GRIK3: variants seen among roughly 807,000 people sequenced by gnomAD.
GRIK3 encodes glutamate receptor ionotropic, kainate 3.
In GRIK3, 29 loss-of-function variants were observed where a neutral mutation model predicts 102.5. The ratio of observed to expected loss-of-function variants is 0.28; its 90% CI spans 0.21 to 0.39. GRIK3 has a LOEUF of 0.39. GRIK3 is among the 10% of genes least tolerant of loss of function. The pLI is 1.00. For synonymous variants in GRIK3, 511 were observed against 504.9 expected (o/e 1.01, Z -0.16); for missense variants, 908 against 1,252.4 (o/e 0.73, Z 4.15).
Position 36,895,575 on chromosome 1 carries a change from A to C in GRIK3, c.116-4479T>G, listed in dbSNP as rs1641163662. Reference sequence around the variant, plus strand: ...CTGAGCTTGAGGATATCTCAATAGAAACTTCCAAAACTGAAAAGCAAAGAG... The same window carrying C: ...CTGAGCTTGAGGATATCTCAATAGACACTTCCAAAACTGAAAAGCAAAGAG... On this transcript the variant is annotated intron_variant, in intron 1 of 15. Coordinates refer to ENST00000373091, the MANE Select transcript of GRIK3 (RefSeq NM_000831.4). 3.3e-5 allele frequency among the ~76,000 whole-genome samples: 5 copies of C among 152,346 alleles called. No individual in the cohort carries two copies. In the South Asian group the frequency reaches 1.0e-3, roughly 32 times the overall value.
intron 1 of GRIK3, among the ~76,000 whole-genome samples, chr1:36,980,642 G>C (rs1233174630): frequency 5.3e-5 from 8 of 151,916 alleles, no homozygotes; most frequent in Non-Finnish European, 1.0e-4. Context: ...AGTCAGCTCT[G>C]CCCATTCCCA....
chr1:36,852,212 G>C (rs918981681), intron 8 of GRIK3, among the ~76,000 whole-genome samples: 2 of 152,182 alleles, frequency 1.3e-5, no homozygotes, highest in Non-Finnish European at 2.9e-5. Flanking sequence ...GAGTAATAGG[G>C]AGGCTTCCCC....
At chr1:37,005,555 G>A (rs1470283688) in intron 1 of GRIK3, among the ~76,000 whole-genome samples, 3 of 152,202 alleles carry the variant, frequency 2.0e-5, no homozygotes, top group Non-Finnish European at 2.9e-5. Flanking sequence ...GCCAGGGGCT[G>A]GGCCAGCCAG....
At chr1:37,010,013 CAG>C (rs999829266) in intron 1 of GRIK3, among the ~76,000 whole-genome samples, 16 of 152,258 alleles carry the variant, frequency 1.1e-4, no homozygotes, top group Middle Eastern at 6.8e-3. Context: ...GAGGGGGGAG[CAG>C]AGTCTTCAGA....
At chr1:36,857,956 C>G (rs1265383723) in intron 7 of GRIK3, among the ~76,000 whole-genome samples, 1 of 152,202 alleles carries the variant, frequency 6.6e-6, no homozygotes, top group Non-Finnish European at 1.5e-5. Context: ...AGCCTGGAAC[C>G]CAGCTGCCAG....
At chr1:36,958,269 G>A (rs1641949947) in intron 1 of GRIK3, among the ~76,000 whole-genome samples, 1 of 94,488 alleles carries the variant, frequency 1.1e-5, no homozygotes, top group Non-Finnish European at 2.1e-5. Flanking sequence ...TGTGCCCCGT[G>A]AGTCTGTGTG....
intron 1 of GRIK3, among the ~76,000 whole-genome samples, chr1:36,940,902 T>A (rs1203707399): frequency 6.6e-6 from 1 of 152,218 alleles, no homozygotes; most frequent in Non-Finnish European, 1.5e-5. Context: ...GGGAAATATA[T>A]CTCAGGGAGG....
chr1:36,872,326 G>T lies in GRIK3; in HGVS notation c.594C>A (p.Tyr198Ter). The change falls in exon 4 of 16, where the codon TAC becomes TAA. Residue 198 changes from tyrosine (Y) to a stop codon, truncating the protein, a stop_gained. Coordinates refer to ENST00000373091, the MANE Select transcript of GRIK3 (RefSeq NM_000831.4). LOFTEE classifies it high-confidence loss of function. This position sits in a 1 kb window ranked among gnomAD's most constrained non-coding sequence, Gnocchi z 5.9. ...LQELIMAPSRYNIRLKIRQLP... is the reference protein window; with the variant it reads ...LQELIMAPSR ...GCTGACGGATCTTCAGGCGGATGTT[G>T]TATCTTGATGGGGCCATGATGAGCT... 6.2e-7 allele frequency: 1 copy of T among 1,611,782 alleles called. No individual in the cohort carries two copies. Among genetic ancestry groups the T allele is most frequent in the Non-Finnish European group, 8.5e-7 (1 of 1,178,762 alleles).
In GRIK3 at chr1:36,936,088, C is replaced by T. The variant is rs773400345; in HGVS notation, c.116-44992G>A. 4.6e-5 allele frequency among the ~76,000 whole-genome samples: 7 copies of T among 152,230 alleles called. No individual in the cohort carries two copies. The South Asian group carries it at 6.2e-4, about 14-fold the overall frequency. ...TTTGGCCACAGGGGGAGATAAATAA[C>T]GCAAAGAGGAACTTCCCACCCCTTC... On this transcript the variant is annotated intron_variant, in intron 1 of 15. Coordinates refer to ENST00000373091, the MANE Select transcript of GRIK3 (RefSeq NM_000831.4).
rs926895809 is a variant in GRIK3 at position 36,891,196 on chromosome 1, C to T, written c.116-100G>A. ...ATTTTATAGACAAGTTGCCTGCTCC[C>T]TGAAATGTTCAATAATATCCTAGGT... is the stretch of plus-strand genomic sequence containing the variant. On this transcript the variant is annotated intron_variant, in intron 1 of 15. Transcript: ENST00000373091. The T allele has an allele frequency of 4.7e-6, 4 of 843,110 alleles. No homozygotes were observed. The African/African-American group carries it at 6.7e-5, about 14-fold the overall frequency. 52.2% of individuals were successfully genotyped at this position (843,110 alleles called of 1,614,324 possible).
chr1:37,026,317 A>G (rs1358088585), intron 1 of GRIK3, among the ~76,000 whole-genome samples: 1 of 152,162 alleles, frequency 6.6e-6, no homozygotes, highest in Non-Finnish European at 1.5e-5. Context: ...ATCACAGTGA[A>G]TAATTGGTAC....
chr1:36,984,937 G>A (rs1269880086), intron 1 of GRIK3, among the ~76,000 whole-genome samples: 2 of 152,222 alleles, frequency 1.3e-5, no homozygotes, highest in Admixed American at 6.5e-5. Context: ...GGACAGCAGG[G>A]AGAAAGGTCC....
At chr1:36,900,212 C>G (rs1037427437) in intron 1 of GRIK3, among the ~76,000 whole-genome samples, 1 of 152,146 alleles carries the variant, frequency 6.6e-6, no homozygotes, top group East Asian at 1.9e-4. Context: ...CTTAGACCAC[C>G]GTGGAATTAA....
At chr1:36,841,712 T>TC (rs775085913) in intron 10 of GRIK3, 24 bp downstream of exon 10, 1 of 1,598,478 alleles carries the variant, frequency 6.3e-7, no homozygotes, top group Admixed American at 1.7e-5. Context: ...TCCTGAGCCC[T>TC]CCCATGCTCC....
chr1:36,992,946 G>A (rs1281401914), intron 1 of GRIK3, among the ~76,000 whole-genome samples: 2 of 152,244 alleles, frequency 1.3e-5, no homozygotes, highest in African/African-American at 4.8e-5. Flanking sequence ...GGGATGGTAA[G>A]TCAGTGCTGG....
chr1:36,963,874 C>T (rs1642053051), intron 1 of GRIK3, among the ~76,000 whole-genome samples: 1 of 152,228 alleles, frequency 6.6e-6, no homozygotes, highest in East Asian at 1.9e-4. Flanking sequence ...ATGCATGGAA[C>T]TGAGTCTCTG....
chr1:36,893,138 C>A (rs1305500298), intron 1 of GRIK3, among the ~76,000 whole-genome samples: 2 of 152,056 alleles, frequency 1.3e-5, no homozygotes, highest in African/African-American at 4.8e-5. Context: ...TAGAGGAGGT[C>A]TTTCTAAGCC....
intron 1 of GRIK3, among the ~76,000 whole-genome samples, chr1:36,914,327 G>A (rs1235982006): frequency 6.6e-6 from 1 of 152,196 alleles, no homozygotes; most frequent in African/African-American, 2.4e-5. Context: ...CAGTCAATGT[G>A]CAGAGAAGCT....
In GRIK3 at chr1:37,034,039, A is replaced by C; in HGVS notation, c.70T>G (p.Phe24Val). The change falls in exon 1 of 16, where the codon TTC (phenylalanine) becomes GTC (valine). Residue 24 changes from phenylalanine (F) to valine (V), a missense_variant. By Grantham distance (50) the Phe-to-Val change is conservative. Transcript: ENST00000373091. ...EYWAGLLVCAFWIPDSRGMPH... is the reference protein window; with the variant it reads ...EYWAGLLVCAVWIPDSRGMPH... ...ATCCCGCGCGAGTCCGGGATCCAGA[A>C]GGCGCACACGAGGAGCCCGGCCCAG... 1 of 1,606,384 alleles carries C rather than the reference A, an allele frequency of 6.2e-7. No individual in the cohort carries two copies. The highest frequency in any genetic ancestry group is 8.5e-7 in the Non-Finnish European group (1 of 1,177,180).
Sources: gnomAD v4.1 joint callset for allele counts (sites outside exome capture counted in the v4.1 genomes callset) on GRCh38, gnomAD v4.1.1 for gene constraint, Gnocchi (gnomAD v3.1) non-coding constraint, MANE v1.5 for transcripts, NCBI Gene and HGNC (gene_info 2026-07-23, HGNC 2026-07-21) for gene names.